The following PTPN21 variants were observed in gnomAD, a reference collection of about 807,000 sequenced individuals.
PTPN21 encodes tyrosine-protein phosphatase non-receptor type 21.
Under a neutral mutation model 131.8 loss-of-function variants are expected in PTPN21, and 77 were observed. That is an observed-to-expected ratio of 0.58 (90% CI 0.49 to 0.71). The LOEUF is 0.71. Among genes scored for constraint, PTPN21 ranks in the 30% least tolerant of loss-of-function variants. The pLI is 0.00. For missense variants in PTPN21, 1,552 were observed against 1,527.1 expected (o/e 1.02, Z -0.27); for synonymous variants, 715 against 621.3 (o/e 1.15, Z -2.24).
At chr14:88,493,614 T>C (rs920951327) in intron 10 of PTPN21, among the ~76,000 whole-genome samples, 1 of 152,192 alleles carries the variant, frequency 6.6e-6, no homozygotes, top group African/African-American at 2.4e-5. Context: ...ATTTTGCTTA[T>C]CTATCCAGAA....
rs746514426 is a variant in PTPN21 at position 88,479,218 on chromosome 14, C to A, written c.2213G>T (p.Gly738Val). The change falls in exon 13 of 19, where the codon GGC becomes GTC. Residue 738 changes from glycine (G) to valine (V), a missense_variant. This residue lies in a region of PTPN21 where 1,016 missense variants were observed against 883.5 expected (regional missense o/e 1.15). Coordinates refer to ENST00000556564, the MANE Select transcript of PTPN21 (RefSeq NM_007039.4). ...GCAGCCAGGTGGGTCCTGGGCCAGG[C>A]CGGGCCGAGGCTCGCGCGCACGTGC... The part of the protein sequence containing the change: ...PPARAREPRP[G>V]LAQDPPGCPR... The A allele has an allele frequency of 6.3e-7, 1 of 1,598,334 alleles. No individual in the cohort carries two copies. The highest frequency in any genetic ancestry group is 2.2e-5 in the East Asian group (1 of 44,670).
chr14:88,508,495 C>G (rs1284929550), intron 3 of PTPN21, among the ~76,000 whole-genome samples: 1 of 152,112 alleles, frequency 6.6e-6, no homozygotes, highest in African/African-American at 2.4e-5. Context: ...CCACATGACA[C>G]TTACACATAT....
intron 10 of PTPN21, among the ~76,000 whole-genome samples, chr14:88,489,515 C>T (rs527993178): frequency 7.2e-5 from 11 of 152,134 alleles, no homozygotes; most frequent in Middle Eastern, 3.4e-3. Context: ...TGGTGGCACA[C>T]GCTTATAATC....
chr14:88,526,184 G>T (rs2078471826), intron 2 of PTPN21, among the ~76,000 whole-genome samples: 1 of 152,050 alleles, frequency 6.6e-6, no homozygotes, highest in Non-Finnish European at 1.5e-5. Context: ...TTTCCTTTGG[G>T]GGTGATGAAA....
In PTPN21 at chr14:88,469,487, A is replaced by G. The variant is rs776145921; in HGVS notation, c.3235+12T>C. 1 of 1,594,402 alleles carries G rather than the reference A, an allele frequency of 6.3e-7. No homozygotes were observed. Among genetic ancestry groups the G allele is most frequent in the East Asian group, 2.2e-5 (1 of 44,804 alleles). ...AGGCAGCTGTCCTCGGAACAAAGTT[A>G]AAGTCACTCACATAAAAATCCCTTG... On this transcript the variant is annotated intron_variant, in intron 17 of 18. Transcript: ENST00000556564. The surrounding 1 kb of genome is among the most constrained non-coding windows in gnomAD (Gnocchi z 4.3).
intron 2 of PTPN21, among the ~76,000 whole-genome samples, chr14:88,531,033 T>G (rs141637085): frequency 6.6e-6 from 1 of 152,134 alleles, no homozygotes; most frequent in Non-Finnish European, 1.5e-5. Context: ...GACCATATGA[T>G]AGGCCACAAA....
chr14:88,481,893 T>C (rs1390759453), intron 12 of PTPN21, among the ~76,000 whole-genome samples: 1 of 152,146 alleles, frequency 6.6e-6, no homozygotes, highest in East Asian at 1.9e-4. Flanking sequence ...CAAGGGAAAG[T>C]GCACAGAGGG....
chr14:88,484,129 C>T (rs1193529102), intron 12 of PTPN21, among the ~76,000 whole-genome samples: 2 of 151,818 alleles, frequency 1.3e-5, no homozygotes, highest in Non-Finnish European at 2.9e-5. Context: ...CTGCAACCTC[C>T]ACCCCCACCT....
chr14:88,550,664 G>T, intron 1 of PTPN21, 45 bp from the exon 2 acceptor site: 2 of 420,826 alleles, frequency 4.8e-6, no homozygotes, highest in Non-Finnish European at 8.5e-6. Context: ...GTAACGCTGG[G>T]CTTTGCTTGT....
intron 4 of PTPN21, among the ~76,000 whole-genome samples, chr14:88,507,175 G>A (rs2078104173): frequency 6.6e-6 from 1 of 152,104 alleles, no homozygotes; most frequent in African/African-American, 2.4e-5. Context: ...AACTGTAAGC[G>A]AATATAACCT....
intron 2 of PTPN21, among the ~76,000 whole-genome samples, chr14:88,538,072 G>A (rs1566850626): frequency 1.3e-5 from 2 of 152,200 alleles, no homozygotes; most frequent in Non-Finnish European, 2.9e-5. Context: ...AAGAATGACA[G>A]GGATAATTGA....
Position 88,466,091 on chromosome 14 carries a change from A to C in PTPN21, c.*2046T>G, listed in dbSNP as rs189657827. 12 of 152,220 alleles carry C rather than the reference A, an allele frequency of 7.9e-5. No individual in the cohort carries two copies. Among genetic ancestry groups the C allele is most frequent in the South Asian group, 2.1e-4 (1 of 4,824 alleles). The allele number at this position is 152,220 out of a possible 1,614,324, so 9.4% of individuals were successfully genotyped here. ...CATGGAGAGGGAGGGGGAGGGGAAG[A>C]AGCACTTTTTCTAGAGATGGAAAAT... On this transcript the variant is annotated 3_prime_UTR_variant, in exon 19 of 19. Coordinates refer to ENST00000556564, the MANE Select transcript of PTPN21 (RefSeq NM_007039.4).
intron 4 of PTPN21, 43 bp from the exon 5 acceptor site, chr14:88,505,414 T>G (rs2274735): frequency 0.35 from 485,319 of 1,395,946 alleles, 88,009 homozygotes; most frequent in African/African-American, 0.58. Context: ...TATTTAAATT[T>G]CATTGCAAAA....
At chr14:88,527,888 C>A (rs1430481908) in intron 2 of PTPN21, among the ~76,000 whole-genome samples, 3 of 152,158 alleles carry the variant, frequency 2.0e-5, no homozygotes, top group African/African-American at 4.8e-5. Context: ...TCAATTATCC[C>A]AGCACCATTT....
intron 2 of PTPN21, among the ~76,000 whole-genome samples, chr14:88,545,066 C>T (rs1333089822): frequency 1.3e-5 from 2 of 152,112 alleles, no homozygotes; most frequent in Non-Finnish European, 2.9e-5. Context: ...AACTCCTGAC[C>T]TCAGGTGATC....
At position 88,478,908 on chromosome 14, in the gene PTPN21, C is replaced by G. The variant is rs376455086; in HGVS notation, c.2511+12G>C. 6.8e-7 allele frequency: 1 copy of G among 1,465,232 alleles called. No homozygotes were observed. The highest frequency in any genetic ancestry group is 9.0e-7 in the Non-Finnish European group (1 of 1,109,760). The allele number at this position is 1,465,232 out of a possible 1,614,324, so 90.8% of individuals were successfully genotyped here. The stretch of plus-strand genomic sequence containing the variant: ...GGTCCCCTGGCCCGGCACTGCTCGC[C>G]GCGTGGCTTACCCCTAGAGGCGGGA... On this transcript the variant is annotated intron_variant, in intron 13 of 18. Transcript: ENST00000556564.
At chr14:88,499,936 CAG>C (rs764644970) in intron 8 of PTPN21, among the ~76,000 whole-genome samples, 2 of 152,172 alleles carry the variant, frequency 1.3e-5, no homozygotes, top group East Asian at 1.9e-4. Flanking sequence ...TTTCATTGTT[CAG>C]AGTCAGTTAC....
intron 2 of PTPN21, among the ~76,000 whole-genome samples, chr14:88,525,071 T>C (rs1250536787): frequency 1.3e-5 from 2 of 151,368 alleles, no homozygotes; most frequent in Admixed American, 6.6e-5. Flanking sequence ...AGTGAAACTT[T>C]GCCTCTACAA....
Position 88,469,848 on chromosome 14 carries a change from T to G in PTPN21, c.3000+74A>C, listed in dbSNP as rs776918520. ...CCTACCCTGCCTTTTTCTCCACAGG[T>G]CAGGATTCCAGATGATTAACATTAA... On this transcript the variant is annotated intron_variant, in intron 16 of 18. Transcript: ENST00000556564. This position sits in a 1 kb window ranked among gnomAD's most constrained non-coding sequence, Gnocchi z 4.3. The G allele has an allele frequency of 6.2e-7, 1 of 1,607,896 alleles. No homozygotes were observed. Among genetic ancestry groups the G allele is most frequent in the East Asian group, 2.2e-5 (1 of 44,862 alleles).
Sources: allele counts gnomAD v4.1 joint callset (sites outside exome capture counted in the v4.1 genomes callset), GRCh38; gene constraint gnomAD v4.1.1; regional missense constraint gnomAD v4.1.1; non-coding constraint Gnocchi (gnomAD v3.1); transcripts MANE v1.5; gene names NCBI Gene and HGNC (gene_info 2026-07-23, HGNC 2026-07-21).